The following TRPM3 variants were observed in gnomAD, a reference collection of about 807,000 sequenced individuals.
The protein encoded by TRPM3 is transient receptor potential cation channel subfamily M member 3.
A neutral mutation model predicts 181.2 loss-of-function variants in TRPM3; 77 were observed. That is an observed-to-expected ratio of 0.42 (90% CI 0.35 to 0.51). The LOEUF (loss-of-function observed/expected upper bound fraction) is 0.51. Ranked by LOEUF, TRPM3 falls within the 20% of genes least tolerant of loss-of-function variation. The pLI is 0.01. For synonymous variants in TRPM3, 745 were observed against 796.4 expected (o/e 0.94, Z 1.09); for missense variants, 1,759 against 2,196.7 (o/e 0.80, Z 3.98).
intron 1 of TRPM3, among the ~76,000 whole-genome samples, chr9:71,410,479 C>G (rs185162296): frequency 5.3e-5 from 8 of 152,124 alleles, no homozygotes; most frequent in Admixed American, 5.2e-4. Flanking sequence ...ACTATAAACA[C>G]CTCTATGCAA....
chr9:71,418,604 T>C (rs28513816), intron 1 of TRPM3, among the ~76,000 whole-genome samples: 3,750 of 151,714 alleles, frequency 0.025, 97 homozygotes, highest in African/African-American at 0.06. Flanking sequence ...GGAAAGGTCC[T>C]GAGCAGTCAG....
intron 1 of TRPM3, among the ~76,000 whole-genome samples, chr9:71,142,444 T>G (rs1394779529): frequency 6.6e-6 from 1 of 152,160 alleles, no homozygotes; most frequent in Non-Finnish European, 1.5e-5. Context: ...TAGAGAGGTT[T>G]TGACTTTTTA....
At chr9:71,369,509 G>A (rs1004180943) in intron 1 of TRPM3, among the ~76,000 whole-genome samples, 11 of 152,080 alleles carry the variant, frequency 7.2e-5, no homozygotes, top group South Asian at 2.1e-4. Flanking sequence ...TGCTGAGAAT[G>A]GTCCATTTTT....
chr9:70,962,556 C>G (rs773760596), intron 1 of TRPM3, among the ~76,000 whole-genome samples: 3 of 152,112 alleles, frequency 2.0e-5, no homozygotes, highest in South Asian at 2.1e-4. Flanking sequence ...TAGTTTCCCC[C>G]TATCCATGAA....
At chr9:71,099,046 G>T (rs1230446209) in intron 1 of TRPM3, among the ~76,000 whole-genome samples, 1 of 152,128 alleles carries the variant, frequency 6.6e-6, no homozygotes, top group African/African-American at 2.4e-5. Flanking sequence ...AGCAATATTA[G>T]CTGATGTCTT....
intron 1 of TRPM3, among the ~76,000 whole-genome samples, chr9:71,381,276 G>T (rs1022911486): frequency 6.6e-6 from 1 of 152,090 alleles, no homozygotes; most frequent in African/African-American, 2.4e-5. Context: ...CATTCAGACT[G>T]GTAGATTAGG....
At chr9:71,120,906 G>C (rs1219493544) in intron 1 of TRPM3, among the ~76,000 whole-genome samples, 1 of 151,966 alleles carries the variant, frequency 6.6e-6, no homozygotes, top group Non-Finnish European at 1.5e-5. Flanking sequence ...TAAAAGGGGT[G>C]GGGGAGCACC....
intron 8 of TRPM3, among the ~76,000 whole-genome samples, chr9:70,750,435 A>C (rs2075935610): frequency 6.6e-6 from 1 of 152,172 alleles, no homozygotes; most frequent in African/African-American, 2.4e-5. Context: ...ATCTGAGCAA[A>C]TAAGTTAACA....
chr9:71,117,299 C>T (rs895986287), intron 1 of TRPM3, among the ~76,000 whole-genome samples: 1 of 151,984 alleles, frequency 6.6e-6, no homozygotes, highest in Admixed American at 6.6e-5. Flanking sequence ...ATTGCCTCTC[C>T]CTCCCCCCTA....
At chr9:70,694,241 T>A (rs761944139) in intron 8 of TRPM3, among the ~76,000 whole-genome samples, 5 of 152,162 alleles carry the variant, frequency 3.3e-5, no homozygotes, top group Non-Finnish European at 7.3e-5. Context: ...GTTGAAAGGA[T>A]CTTGGCCTAA....
At chr9:71,372,724 C>A (rs987491522) in intron 1 of TRPM3, among the ~76,000 whole-genome samples, 3 of 152,074 alleles carry the variant, frequency 2.0e-5, no homozygotes, top group Non-Finnish European at 2.9e-5. Context: ...ACAATACTAA[C>A]CTTAAATGTA....
chr9:71,446,886 G>C (rs1230527926), upstream of TRPM3: 16 of 1,453,024 alleles, frequency 1.1e-5, no homozygotes, highest in Admixed American at 3.3e-4. Context: ...GAGCGCTCTC[G>C]CTGGCTCCTC....
intron 1 of TRPM3, among the ~76,000 whole-genome samples, chr9:71,169,099 C>G (rs2076708702): frequency 6.6e-6 from 1 of 152,120 alleles, no homozygotes; most frequent in African/African-American, 2.4e-5. Context: ...GAGTGGTTAC[C>G]TGTATAAATA....
intron 14 of TRPM3, among the ~76,000 whole-genome samples, chr9:70,623,546 G>A (rs1465731631): frequency 6.6e-6 from 1 of 152,142 alleles, no homozygotes; most frequent in East Asian, 1.9e-4. Flanking sequence ...TACTAATGGT[G>A]CAAAAGCAGT....
rs184034726 is a variant in TRPM3 at position 70,866,791 on chromosome 9, A to G, written c.178-2280T>C. ...GTTGTTGGGATAATCAAACCAGATGATTCAGATAAAGCACCTGGCTTTATC... is the reference window on the plus strand; with the variant it reads ...GTTGTTGGGATAATCAAACCAGATGGTTCAGATAAAGCACCTGGCTTTATC... On this transcript the variant is annotated intron_variant, in intron 1 of 25. Transcript: ENST00000677713. Among the ~76,000 whole-genome samples, 3 of 152,154 alleles carry G rather than the reference A, an allele frequency of 2.0e-5. No homozygotes were observed. In the East Asian group the frequency reaches 5.8e-4, roughly 30 times the overall value.
intron 1 of TRPM3, among the ~76,000 whole-genome samples, chr9:71,025,711 C>G (rs2097890056): frequency 6.6e-6 from 1 of 152,064 alleles, no homozygotes; most frequent in African/African-American, 2.4e-5. Context: ...GGGTTTTTTT[C>G]CTGCTTCTAA....
chr9:70,966,852 T>C (rs943357684), intron 1 of TRPM3, among the ~76,000 whole-genome samples: 8 of 152,076 alleles, frequency 5.3e-5, no homozygotes, highest in East Asian at 1.9e-4. Flanking sequence ...GTTTACCATA[T>C]AACAAACCTG....
intron 1 of TRPM3, among the ~76,000 whole-genome samples, chr9:71,399,696 T>C (rs998088403): frequency 4.6e-5 from 7 of 150,928 alleles, no homozygotes; most frequent in Non-Finnish European, 1.0e-4. Flanking sequence ...GCCCAGCTAA[T>C]TTTTTTTTGT....
At chr9:71,420,671 GAGAGAA>G (rs2093718562) in intron 1 of TRPM3, among the ~76,000 whole-genome samples, 1 of 129,396 alleles carries the variant, frequency 7.7e-6, no homozygotes. Flanking sequence ...GAGAAAGAAA[GAGAGAA>G]AGAAAGAGAA....
Sources: gnomAD v4.1 joint callset for allele counts (sites outside exome capture counted in the v4.1 genomes callset) on GRCh38, gnomAD v4.1.1 for gene constraint, MANE v1.5 for transcripts, NCBI Gene and HGNC (gene_info 2026-07-23, HGNC 2026-07-21) for gene names.